MEGF11: variants seen among roughly 807,000 people sequenced by gnomAD.
MEGF11 encodes the protein multiple epidermal growth factor-like domains protein 11.
In MEGF11, 126 loss-of-function variants were observed where a neutral mutation model predicts 146.6. The ratio of observed to expected loss-of-function variants is 0.86; its 90% CI spans 0.74 to 1.00. The LOEUF is 1.00. Among genes scored for constraint, MEGF11 ranks in the 50% least tolerant of loss-of-function variants. MEGF11 has a pLI of 0.00. For synonymous variants in MEGF11, 532 were observed against 583.4 expected (o/e 0.91, Z 1.27); for missense variants, 1,509 against 1,521.2 (o/e 0.99, Z 0.13).
chr15:66,160,398 T>C (rs1411945822), intron 1 of MEGF11, among the ~76,000 whole-genome samples: 4 of 151,886 alleles, frequency 2.6e-5, no homozygotes, highest in Non-Finnish European at 2.9e-5. Flanking sequence ...AAAGGCCTAG[T>C]TCCCCAGTGA....
chr15:66,063,090 A>G (rs1017817638), intron 5 of MEGF11, among the ~76,000 whole-genome samples: 2 of 152,260 alleles, frequency 1.3e-5, no homozygotes, highest in Non-Finnish European at 2.9e-5. Context: ...TAGAGTGTTA[A>G]AAAGGCATAT....
At chr15:66,110,551 C>A (rs537751450) in intron 4 of MEGF11, among the ~76,000 whole-genome samples, 3 of 152,286 alleles carry the variant, frequency 2.0e-5, no homozygotes, top group Non-Finnish European at 4.4e-5. Flanking sequence ...AGACCATGTG[C>A]TTCTTATTCA....
At chr15:66,088,138 A>G (rs1333729590) in intron 5 of MEGF11, among the ~76,000 whole-genome samples, 1 of 152,222 alleles carries the variant, frequency 6.6e-6, no homozygotes, top group Non-Finnish European at 1.5e-5. Flanking sequence ...AGAATTAGAT[A>G]CCCTGAACAG....
chr15:66,242,243 CA>C lies in MEGF11; in HGVS notation c.-9+11361del, dbSNP rs200223550. ...GCAACACAGGGAGACCCCATCTCTA[CA>C]AAAAAAAATAAAAAATTATCCTGGC... On this transcript the variant is annotated intron_variant, in intron 1 of 25. Transcript: ENST00000395614. Among the ~76,000 whole-genome samples the C allele has an allele frequency of 3.3e-3, 489 of 149,100 alleles. 7 individuals are homozygous for C. Among genetic ancestry groups the C allele is most frequent in the East Asian group, 0.032 (161 of 5,016 alleles).
chr15:66,007,053 G>C (rs1223864339), intron 5 of MEGF11, among the ~76,000 whole-genome samples: 3 of 152,224 alleles, frequency 2.0e-5, no homozygotes, highest in Admixed American at 2.0e-4. Flanking sequence ...GGCTAATTCA[G>C]GTTCGGATTC....
rs147195164 is a variant in MEGF11 at position 66,187,094 on chromosome 15, G to C, written c.-8-58683C>G. ...ATGAACTAAGATGAAATATATGAGA[G>C]TGATGGTACATGGAAAGCAGTTAAT... is the stretch of plus-strand genomic sequence containing the variant. On this transcript the variant is annotated intron_variant, in intron 1 of 25. Coordinates refer to ENST00000395614, the MANE Select transcript of MEGF11 (RefSeq NM_001385028.1). Among the ~76,000 whole-genome samples the C allele has an allele frequency of 2.4e-3, 367 of 152,290 alleles. 7 individuals are homozygous for C. The East Asian group carries it at 0.048, about 20-fold the overall frequency.
chr15:66,097,866 A>G (rs376255297), intron 4 of MEGF11, among the ~76,000 whole-genome samples: 5 of 152,174 alleles, frequency 3.3e-5, no homozygotes, highest in African/African-American at 1.2e-4. Flanking sequence ...CGCACAGGGT[A>G]AGATGAGTAA....
At chr15:66,027,206 T>C (rs985313625) in intron 5 of MEGF11, among the ~76,000 whole-genome samples, 6 of 152,210 alleles carry the variant, frequency 3.9e-5, no homozygotes, top group South Asian at 2.1e-4. Flanking sequence ...CACTTCCAGA[T>C]TGATCAGCAC....
chr15:66,080,636 T>G (rs1360588264), intron 5 of MEGF11, among the ~76,000 whole-genome samples: 4 of 152,240 alleles, frequency 2.6e-5, no homozygotes, highest in African/African-American at 9.6e-5. Context: ...AAGTCAAGGA[T>G]GGAGAATACT....
intron 5 of MEGF11, among the ~76,000 whole-genome samples, chr15:66,049,187 G>A (rs2084352385): frequency 6.6e-6 from 1 of 152,226 alleles, no homozygotes; most frequent in Admixed American, 6.5e-5. Context: ...TTCCTGGACT[G>A]ACTGCAAACC....
At chr15:66,211,441 G>A (rs1396207625) in intron 1 of MEGF11, among the ~76,000 whole-genome samples, 2 of 151,476 alleles carry the variant, frequency 1.3e-5, no homozygotes, top group East Asian at 2.0e-4. Context: ...GGAAAATGGC[G>A]TGAACCCGGG....
intron 10 of MEGF11, 126 bp from the exon 11 acceptor site, chr15:65,931,069 G>T: frequency 2.5e-6 from 3 of 1,182,102 alleles, no homozygotes; most frequent in East Asian, 2.9e-5. Flanking sequence ...CTGTGAATAT[G>T]TTACCTTACA....
chr15:65,920,675 T>C (rs2079145625), intron 15 of MEGF11, among the ~76,000 whole-genome samples: 1 of 152,194 alleles, frequency 6.6e-6, no homozygotes, highest in Non-Finnish European at 1.5e-5. Context: ...AAAGAAAACA[T>C]CTGGTTATAT....
At chr15:65,915,699 T>C (rs1317230122) in intron 18 of MEGF11, 101 bp from the exon 19 acceptor site, 11 of 1,435,998 alleles carry the variant, frequency 7.7e-6, no homozygotes, top group Non-Finnish European at 9.5e-6. Flanking sequence ...TGCCTCCCAC[T>C]GAGTGAAGCC....
intron 3 of MEGF11, among the ~76,000 whole-genome samples, chr15:66,123,035 G>C (rs545492087): frequency 6.6e-6 from 1 of 152,070 alleles, no homozygotes; most frequent in Non-Finnish European, 1.5e-5. Context: ...CGCCCACCTC[G>C]GCCTCCCAAA....
chr15:65,948,017 T>C (rs1279209538), intron 10 of MEGF11, among the ~76,000 whole-genome samples: 1 of 152,216 alleles, frequency 6.6e-6, no homozygotes, highest in East Asian at 1.9e-4. Flanking sequence ...GGGGGAAGGC[T>C]GGCCTCATCT....
In MEGF11 at chr15:66,158,054, C is replaced by T. The variant is rs180670856; in HGVS notation, c.-8-29643G>A. 3.0e-3 allele frequency among the ~76,000 whole-genome samples: 449 copies of T among 152,202 alleles called. 2 individuals carry two copies. Among genetic ancestry groups the T allele is most frequent in the Non-Finnish European group, 4.2e-3 (284 of 68,016 alleles). ...GTGAGACATAGCTTTTCCCATTTGT[C>T]GGATGAAATGTTCACTTGCGTGAAT... is the stretch of plus-strand genomic sequence containing the variant. On this transcript the variant is annotated intron_variant, in intron 1 of 25. Transcript: ENST00000395614.
rs1240496185 is a variant in MEGF11 at position 66,191,131 on chromosome 15, C to A, written c.-9+62474G>T. On this transcript the variant is annotated intron_variant, in intron 1 of 25. Transcript: ENST00000395614. ...GAAGGCTGCCTCTGAAGAAGGAACACAGTAGATTCACTATTTTAACTATAT... is the reference window on the plus strand; with the variant it reads ...GAAGGCTGCCTCTGAAGAAGGAACAAAGTAGATTCACTATTTTAACTATAT... Among the ~76,000 whole-genome samples, 7 of 152,112 alleles carry A rather than the reference C, an allele frequency of 4.6e-5. No homozygotes were observed. In the South Asian group the frequency reaches 6.2e-4, roughly 14 times the overall value.
intron 10 of MEGF11, among the ~76,000 whole-genome samples, chr15:65,952,010 AT>A (rs1201521266): frequency 6.6e-5 from 10 of 152,074 alleles, no homozygotes; most frequent in Non-Finnish European, 7.4e-5. Context: ...TCTAAAAAAA[AT>A]TTTTTTTAAA....
Sources: gnomAD v4.1 joint callset for allele counts (sites outside exome capture counted in the v4.1 genomes callset) on GRCh38, gnomAD v4.1.1 for gene constraint, MANE v1.5 for transcripts, NCBI Gene and HGNC (gene_info 2026-07-23, HGNC 2026-07-21) for gene names.